The following FGD5 variants were observed in gnomAD, a reference collection of about 807,000 sequenced individuals.
The protein encoded by FGD5 is FYVE, RhoGEF and PH domain containing 5.
FGD5 carries 28 observed loss-of-function variants against 133.4 expected under a neutral mutation model. The ratio of observed to expected loss-of-function variants is 0.21; its 90% CI spans 0.16 to 0.29. The LOEUF is 0.29. FGD5 is among the 10% of genes least tolerant of loss of function. FGD5 has a pLI of 1.00. For missense variants in FGD5, 1,858 were observed against 1,895.2 expected, an observed-to-expected ratio of 0.98 and a Z score of 0.36; for synonymous variants, 810 against 776.5, an observed-to-expected ratio of 1.04 and a Z score of -0.72.
At chr3:14,850,903 C>T (rs1256475105) in intron 1 of FGD5, among the ~76,000 whole-genome samples, 1 of 151,940 alleles carries the variant, frequency 6.6e-6, no homozygotes, top group African/African-American at 2.4e-5. Context: ...TATGCATGGG[C>T]CAGGGAGTTG....
chr3:14,868,603 C>T (rs2037543274), intron 2 of FGD5, among the ~76,000 whole-genome samples: 1 of 152,192 alleles, frequency 6.6e-6, no homozygotes, highest in African/African-American at 2.4e-5. Context: ...CACACTGGCT[C>T]CACTGCAAAC....
Position 14,900,438 on chromosome 3 carries a change from T to C in FGD5, c.3190T>C (p.Tyr1064His), listed in dbSNP as rs751243462. ...CAACCTTTGTCCGGACTCCGCCGAG[T>C]ACGACAACACACAGGGTGAGTCCAG... ...LNNLCPDSAE[Y>H]DNTQGALSLI... The change falls in exon 8 of 20, where the codon TAC becomes CAC. Residue 1064 changes from tyrosine (Y) to histidine (H), a missense_variant. Physicochemically the swap from Tyr to His is moderately conservative, Grantham distance 83. This residue lies in a region of FGD5 where 1,824 missense variants were observed against 1,848.9 expected (regional missense o/e 0.99). Coordinates refer to ENST00000285046, the MANE Select transcript of FGD5 (RefSeq NM_152536.4). 6.2e-6 allele frequency: 10 copies of C among 1,613,506 alleles called. No homozygotes were observed. The highest frequency in any genetic ancestry group is 8.5e-6 in the Non-Finnish European group (10 of 1,179,706).
intron 9 of FGD5, among the ~76,000 whole-genome samples, chr3:14,902,406 G>A (rs1186870115): frequency 6.6e-6 from 1 of 152,138 alleles, no homozygotes; most frequent in African/African-American, 2.4e-5. Context: ...AAGACATGGA[G>A]GTTGGACGGT....
chr3:14,837,710 A>C (rs1402706050), intron 1 of FGD5, among the ~76,000 whole-genome samples: 1 of 152,146 alleles, frequency 6.6e-6, no homozygotes, highest in African/African-American at 2.4e-5. Flanking sequence ...GGTGTTCCAC[A>C]GTTGGGTTTT....
upstream of FGD5, among the ~76,000 whole-genome samples, chr3:14,816,723 C>T (rs1193218636): frequency 1.3e-5 from 2 of 152,232 alleles, no homozygotes; most frequent in Admixed American, 6.5e-5. Context: ...AACTAGGACA[C>T]ACGTGACTGT....
At chr3:14,869,786 A>C (rs908404657) in intron 2 of FGD5, among the ~76,000 whole-genome samples, 65 of 152,068 alleles carry the variant, frequency 4.3e-4, no homozygotes, top group African/African-American at 1.6e-3. Flanking sequence ...CCCCTTTAAT[A>C]CTGAGTTTGA....
Position 14,821,206 on chromosome 3 carries a change from A to G in FGD5, c.2135A>G (p.Lys712Arg), listed in dbSNP as rs373381188. 5 of 1,613,802 alleles carry G rather than the reference A, an allele frequency of 3.1e-6. No individual in the cohort carries two copies. The highest frequency in any genetic ancestry group is 4.2e-6 in the Non-Finnish European group (5 of 1,179,890). ...NSPQLKSRTGKLRASESPSSL... is the reference protein window; with the variant it reads ...NSPQLKSRTGRLRASESPSSL... ...CCTCAGCTTAAGTCTCGGACTGGGA[A>G]GCTCCGGGCTTCTGAATCCCCCTCC... Residue 712 changes from lysine (K) to arginine (R), a missense_variant, in exon 1 of 20, where the codon AAG becomes AGG. Around this residue, in one of 3 missense-constraint regions of FGD5, gnomAD observed 1,824 missense variants for 1,848.9 expected, o/e 0.99. Coordinates refer to ENST00000285046, the MANE Select transcript of FGD5 (RefSeq NM_152536.4).
rs74932413 is a variant in FGD5 at position 14,916,336 on chromosome 3, G to A, written c.3406-913G>A. On this transcript the variant is annotated intron_variant, in intron 11 of 19. Transcript: ENST00000285046. ...ATGTCATCTTCTCACACCTGAAACC[G>A]TTTAGCTAACCAGAAATACTCTCTC... Among the ~76,000 whole-genome samples, 621 of 152,270 alleles carry A rather than the reference G, an allele frequency of 4.1e-3. 7 individuals carry two copies. Among genetic ancestry groups the A allele is most frequent in the African/African-American group, 0.014 (593 of 41,562 alleles).
chr3:14,834,691 C>A (rs1208563349), intron 1 of FGD5, among the ~76,000 whole-genome samples: 1 of 152,166 alleles, frequency 6.6e-6, no homozygotes, highest in African/African-American at 2.4e-5. Flanking sequence ...AACCCTGTGC[C>A]ACACACAGTA....
intron 9 of FGD5, among the ~76,000 whole-genome samples, chr3:14,901,341 ACTC>A (rs2038235729): frequency 6.6e-6 from 1 of 151,744 alleles, no homozygotes; most frequent in East Asian, 1.9e-4. Flanking sequence ...TGCTTTGTAA[ACTC>A]CTAGTTCCTG....
chr3:14,832,258 A>G (rs954137927), intron 1 of FGD5, among the ~76,000 whole-genome samples: 2 of 152,166 alleles, frequency 1.3e-5, no homozygotes, highest in African/African-American at 4.8e-5. Context: ...GCAAACAGAC[A>G]CTTTTACGTA....
At chr3:14,855,823 G>A (rs1017499487) in intron 1 of FGD5, among the ~76,000 whole-genome samples, 6 of 152,116 alleles carry the variant, frequency 3.9e-5, no homozygotes, top group South Asian at 4.1e-4. Context: ...CCATTCTGTA[G>A]GTTGTCTTTT....
rs1382049166 is a variant in FGD5 at position 14,922,037 on chromosome 3, C to T, written c.3669+20C>T. ...GTGGAGGTGAGTGGGTGGGCAGGGC[C>T]CACGGGCCACCAGCTTCAGAGACCT... On this transcript the variant is annotated intron_variant, in intron 14 of 19. Coordinates refer to ENST00000285046, the MANE Select transcript of FGD5 (RefSeq NM_152536.4). The surrounding 1 kb of genome is among the most constrained non-coding windows in gnomAD (Gnocchi z 4.1). 1.3e-6 allele frequency: 2 copies of T among 1,551,838 alleles called. No homozygotes were observed. Among genetic ancestry groups the T allele is most frequent in the East Asian group, 4.9e-5 (2 of 40,990 alleles).
At chr3:14,887,015 G>C (rs535357712) in intron 4 of FGD5, among the ~76,000 whole-genome samples, 3 of 152,352 alleles carry the variant, frequency 2.0e-5, no homozygotes, top group Non-Finnish European at 4.4e-5. Flanking sequence ...CTCTGCTCTT[G>C]TTGAGTGGGG....
At position 14,819,907 on chromosome 3, in the gene FGD5, G is replaced by A. The variant is rs1399329139; in HGVS notation, c.836G>A (p.Cys279Tyr). The A allele has an allele frequency of 3.1e-6, 5 of 1,613,932 alleles. No individual in the cohort carries two copies. Among genetic ancestry groups the A allele is most frequent in the Non-Finnish European group, 4.2e-6 (5 of 1,179,880 alleles). ...TDCPEVLEEG[C>Y]EEATGVTGGE... ...TGCCCTGAAGTTCTTGAGGAGGGATGTGAAGAGGCCACGGGTGTCACAGGT... is the reference window on the plus strand; with the variant it reads ...TGCCCTGAAGTTCTTGAGGAGGGATATGAAGAGGCCACGGGTGTCACAGGT... Residue 279 changes from cysteine (C) to tyrosine (Y), a missense_variant, in exon 1 of 20, where the codon TGT becomes TAT. By Grantham distance (194) the Cys-to-Tyr change is radical. Around this residue, in one of 3 missense-constraint regions of FGD5, gnomAD observed 1,824 missense variants for 1,848.9 expected, o/e 0.99. Transcript: ENST00000285046. This position sits in a 1 kb window ranked among gnomAD's most constrained non-coding sequence, Gnocchi z 4.1.
At chr3:14,897,443 A>T in intron 4 of FGD5, 66 bp from the exon 5 acceptor site, 1 of 1,545,154 alleles carries the variant, frequency 6.5e-7, no homozygotes, top group Non-Finnish European at 8.7e-7. Flanking sequence ...CCCAGGGGAA[A>T]TCTGCCAAGG....
chr3:14,922,058 G>A lies in FGD5; in HGVS notation c.3669+41G>A, dbSNP rs572333026. ...GGGCCCACGGGCCACCAGCTTCAGAGACCTGGGGTTCCCTGGGCGGGCATT... is the reference window on the plus strand; with the variant it reads ...GGGCCCACGGGCCACCAGCTTCAGAAACCTGGGGTTCCCTGGGCGGGCATT... On this transcript the variant is annotated intron_variant, in intron 14 of 19. Coordinates refer to ENST00000285046, the MANE Select transcript of FGD5 (RefSeq NM_152536.4). The surrounding 1 kb of genome is among the most constrained non-coding windows in gnomAD (Gnocchi z 4.1). 6.5e-7 allele frequency: 1 copy of A among 1,543,788 alleles called. No individual in the cohort carries two copies. The highest frequency in any genetic ancestry group is 2.4e-5 in the East Asian group (1 of 40,902).
intron 1 of FGD5, among the ~76,000 whole-genome samples, chr3:14,825,462 C>CAT (rs59408384): frequency 0.022 from 3,305 of 148,852 alleles, 88 homozygotes; most frequent in African/African-American, 0.066. Context: ...CCCATCTCTA[C>CAT]ATATATATAT....
At position 14,865,521 on chromosome 3, in the gene FGD5, G is replaced by C. The variant is rs572039908; in HGVS notation, c.2658+1261G>C. Among the ~76,000 whole-genome samples the C allele has an allele frequency of 1.5e-3, 234 of 152,080 alleles. 1 individual carries two copies. Among genetic ancestry groups the C allele is most frequent in the African/African-American group, 5.3e-3 (221 of 41,488 alleles). Reference sequence around the variant, plus strand: ...CCCCTCAGTCCCTTCTCTCTCCAGTGGCTCCTTCACACCCTCCCCACCCCC... The same window carrying C: ...CCCCTCAGTCCCTTCTCTCTCCAGTCGCTCCTTCACACCCTCCCCACCCCC... On this transcript the variant is annotated intron_variant, in intron 2 of 19. Coordinates refer to ENST00000285046, the MANE Select transcript of FGD5 (RefSeq NM_152536.4).
Sources: gnomAD v4.1 joint callset for allele counts (sites outside exome capture counted in the v4.1 genomes callset) on GRCh38, gnomAD v4.1.1 for gene constraint, gnomAD v4.1.1 regional missense constraint, Gnocchi (gnomAD v3.1) non-coding constraint, MANE v1.5 for transcripts, NCBI Gene and HGNC (gene_info 2026-07-23, HGNC 2026-07-21) for gene names.